ERC2: variants seen among roughly 807,000 people sequenced by gnomAD.
ERC2 encodes the protein ERC protein 2.
In ERC2, 42 loss-of-function variants were observed where a neutral mutation model predicts 114.8. The observed-to-expected ratio is 0.37, with a 90% CI of 0.29 to 0.47. The LOEUF (loss-of-function observed/expected upper bound fraction) is 0.47. Among genes scored for constraint, ERC2 ranks in the 20% least tolerant of loss-of-function variants. The pLI, the probability that ERC2 is intolerant of heterozygous loss-of-function variation, is 0.99. For missense variants in ERC2, 939 were observed against 1,150.7 expected (o/e 0.82, Z 2.66); for synonymous variants, 454 against 425.5 (o/e 1.07, Z -0.82).
chr3:55,906,495 C>G (rs941235413), intron 13 of ERC2, among the ~76,000 whole-genome samples: 1 of 151,626 alleles, frequency 6.6e-6, no homozygotes, highest in African/African-American at 2.4e-5. Flanking sequence ...GCAGCATCAC[C>G]TGGAAATGTA....
chr3:55,567,671 A>G (rs1250318968), intron 17 of ERC2, among the ~76,000 whole-genome samples: 1 of 152,042 alleles, frequency 6.6e-6, no homozygotes, highest in Admixed American at 6.6e-5. Flanking sequence ...GATGATGCCA[A>G]GGTTTTTCAG....
chr3:56,295,974 C>G (rs1397719568), intron 3 of ERC2, 45 bp downstream of exon 3: 1 of 1,505,356 alleles, frequency 6.6e-7, no homozygotes, highest in Non-Finnish European at 8.9e-7. Flanking sequence ...AACATATTTT[C>G]ACTTATAAAT....
intron 14 of ERC2, among the ~76,000 whole-genome samples, chr3:55,834,950 C>T (rs2149198746): frequency 6.6e-6 from 1 of 150,774 alleles, no homozygotes; most frequent in South Asian, 2.1e-4. Context: ...TACAAACTAC[C>T]ATCAGAGAAT....
At chr3:56,078,757 T>A (rs1238143610) in intron 7 of ERC2, among the ~76,000 whole-genome samples, 2 of 152,018 alleles carry the variant, frequency 1.3e-5, no homozygotes, top group Non-Finnish European at 2.9e-5. Context: ...AAGCATTTAG[T>A]ATCTTTTGGG....
chr3:55,867,926 G>A (rs1047430895), intron 14 of ERC2, among the ~76,000 whole-genome samples: 1 of 151,902 alleles, frequency 6.6e-6, no homozygotes, highest in Non-Finnish European at 1.5e-5. Context: ...TTCTTATCTT[G>A]GATAATCATA....
intron 16 of ERC2, among the ~76,000 whole-genome samples, chr3:55,686,180 A>G (rs1559498967): frequency 6.6e-6 from 1 of 152,238 alleles, no homozygotes; most frequent in Non-Finnish European, 1.5e-5. Flanking sequence ...GTCGAGGGTT[A>G]TTAAAAACCA....
chr3:55,521,664 A>G (rs532401), intron 17 of ERC2, among the ~76,000 whole-genome samples: 105,116 of 152,180 alleles, frequency 0.69, 36,814 homozygotes, highest in Middle Eastern at 0.79. Context: ...AGGTGCCTGC[A>G]TCTTCAGACA....
intron 7 of ERC2, among the ~76,000 whole-genome samples, chr3:56,079,722 C>A (rs377380107): frequency 6.6e-6 from 1 of 152,068 alleles, no homozygotes; most frequent in East Asian, 1.9e-4. Context: ...TTACATTATG[C>A]AATGGACCCC....
chr3:56,265,490 C>T (rs1295132390), intron 3 of ERC2, among the ~76,000 whole-genome samples: 3 of 152,124 alleles, frequency 2.0e-5, no homozygotes, highest in Non-Finnish European at 4.4e-5. Context: ...AGACCTGAAA[C>T]TGTATAACAC....
At chr3:56,058,941 TC>T (rs1208392053) in intron 7 of ERC2, among the ~76,000 whole-genome samples, 1 of 152,172 alleles carries the variant, frequency 6.6e-6, no homozygotes, top group Non-Finnish European at 1.5e-5. Context: ...TCTTTCCTTC[TC>T]TACCACAGAA....
intron 14 of ERC2, among the ~76,000 whole-genome samples, chr3:55,771,560 C>T (rs973299364): frequency 3.9e-5 from 6 of 152,118 alleles, no homozygotes; most frequent in Admixed American, 2.6e-4. Flanking sequence ...GTGACTTGTT[C>T]GTGGTGGAAA....
intron 13 of ERC2, among the ~76,000 whole-genome samples, chr3:55,902,044 A>G (rs1180486804): frequency 1.3e-5 from 2 of 152,206 alleles, no homozygotes; most frequent in Admixed American, 6.5e-5. Flanking sequence ...ATGTTCAGCA[A>G]TAGCTACCAG....
At chr3:55,716,304 G>C (rs756036) in intron 15 of ERC2, among the ~76,000 whole-genome samples, 88,286 of 151,954 alleles carry the variant, frequency 0.58, 25,985 homozygotes, top group South Asian at 0.71. Flanking sequence ...CACACAGACT[G>C]ATCTCAACTC....
intron 3 of ERC2, among the ~76,000 whole-genome samples, chr3:56,204,291 T>G (rs2048575815): frequency 6.6e-6 from 1 of 152,146 alleles, no homozygotes; most frequent in African/African-American, 2.4e-5. Flanking sequence ...CAGAGTACTC[T>G]CATCTCCCAA....
intron 4 of ERC2, among the ~76,000 whole-genome samples, chr3:56,164,770 T>G (rs1375581587): frequency 6.6e-6 from 1 of 152,060 alleles, no homozygotes; most frequent in Non-Finnish European, 1.5e-5. Flanking sequence ...TTGTCTGTCT[T>G]TCTTATTTTA....
At chr3:56,318,959 C>T (rs1476009199) in intron 2 of ERC2, among the ~76,000 whole-genome samples, 10 of 102,350 alleles carry the variant, frequency 9.8e-5, no homozygotes, top group African/African-American at 3.3e-4. Context: ...AAGACCCTGT[C>T]TCAAAAAAAA....
intron 17 of ERC2, among the ~76,000 whole-genome samples, chr3:55,627,883 C>CT (rs10714648): frequency 0.019 from 1,604 of 82,528 alleles, 48 homozygotes; most frequent in African/African-American, 0.062. Flanking sequence ...GGACTTGGTG[C>CT]TTTTTTTTTT....
intron 3 of ERC2, among the ~76,000 whole-genome samples, chr3:56,237,753 G>A (rs1295853847): frequency 2.0e-5 from 3 of 152,028 alleles, no homozygotes; most frequent in African/African-American, 4.8e-5. Context: ...TGTTTTGATA[G>A]CTTTTCTTTC....
At chr3:55,763,629 T>C (rs985395654) in intron 14 of ERC2, among the ~76,000 whole-genome samples, 1 of 152,212 alleles carries the variant, frequency 6.6e-6, no homozygotes, top group African/African-American at 2.4e-5. Context: ...GTCCAGCACA[T>C]AGAAGTTATT....
Sources: allele counts gnomAD v4.1 joint callset (sites outside exome capture counted in the v4.1 genomes callset), GRCh38; gene constraint gnomAD v4.1.1; transcripts MANE v1.5; gene names NCBI Gene and HGNC (gene_info 2026-07-23, HGNC 2026-07-21).